Variants in ROBO1 observed in about 807,000 individuals in gnomAD.
ROBO1 encodes the protein roundabout guidance receptor 1.
In ROBO1, 149 loss-of-function variants were observed where a neutral mutation model predicts 195.9. The observed-to-expected ratio is 0.76, with a 90% CI of 0.67 to 0.87. ROBO1 has a LOEUF of 0.87. ROBO1 is among the 40% of genes least tolerant of loss of function. ROBO1 has a pLI of 0.00. For synonymous variants in ROBO1, 816 were observed against 733.2 expected (o/e 1.11, Z -1.82); for missense variants, 1,933 against 2,068.3 (o/e 0.93, Z 1.27).
At chr3:79,247,483 G>A (rs983698252) in intron 2 of ROBO1, among the ~76,000 whole-genome samples, 3 of 151,840 alleles carry the variant, frequency 2.0e-5, no homozygotes, top group Admixed American at 6.6e-5. Context: ...AAGGTATCTA[G>A]AGAGTTCATT....
intron 2 of ROBO1, among the ~76,000 whole-genome samples, chr3:79,433,179 C>A (rs112795819): frequency 2.0e-4 from 31 of 152,148 alleles, no homozygotes; most frequent in African/African-American, 7.5e-4. Context: ...CCTCTTCCCA[C>A]CCCTCACCCT....
At chr3:79,113,366 T>C (rs2079927362) in intron 3 of ROBO1, among the ~76,000 whole-genome samples, 1 of 152,066 alleles carries the variant, frequency 6.6e-6, no homozygotes, top group Non-Finnish European at 1.5e-5. Context: ...ACACATTGTC[T>C]TCCTGGCCCA....
intron 3 of ROBO1, among the ~76,000 whole-genome samples, chr3:78,994,627 C>T (rs905442786): frequency 6.6e-6 from 1 of 152,124 alleles, no homozygotes; most frequent in East Asian, 1.9e-4. Context: ...ACCTAATTTT[C>T]ACATTTTCCT....
intron 8 of ROBO1, among the ~76,000 whole-genome samples, chr3:78,707,414 C>T (rs2081578908): frequency 1.3e-5 from 2 of 152,100 alleles, no homozygotes; most frequent in Admixed American, 6.6e-5. Context: ...GGCATTAATA[C>T]TTAGGGGAAG....
intron 1 of ROBO1, among the ~76,000 whole-genome samples, chr3:79,659,372 G>A (rs1339476391): frequency 2.0e-5 from 3 of 151,890 alleles, no homozygotes; most frequent in South Asian, 4.1e-4. Context: ...GATATAAATC[G>A]ATTCTTAGGA....
At chr3:79,688,602 G>A (rs1244559536) in intron 1 of ROBO1, among the ~76,000 whole-genome samples, 3 of 151,828 alleles carry the variant, frequency 2.0e-5, no homozygotes, top group Non-Finnish European at 2.9e-5. Context: ...ATGTAATGTT[G>A]GTTGCATATT....
chr3:79,211,985 A>T (rs544244531), intron 2 of ROBO1, among the ~76,000 whole-genome samples: 1 of 152,252 alleles, frequency 6.6e-6, no homozygotes, highest in African/African-American at 2.4e-5. Flanking sequence ...AGATTAACTA[A>T]AAGTATTCCT....
chr3:79,123,512 T>TA (rs762489487), intron 3 of ROBO1, among the ~76,000 whole-genome samples: 17 of 152,032 alleles, frequency 1.1e-4, no homozygotes, highest in East Asian at 3.8e-4. Flanking sequence ...ATAATGAATA[T>TA]AAGTATGGTT....
At chr3:79,734,834 T>G (rs1703310872) in intron 1 of ROBO1, among the ~76,000 whole-genome samples, 1 of 152,002 alleles carries the variant, frequency 6.6e-6, no homozygotes, top group African/African-American at 2.4e-5. Flanking sequence ...ACCCTCTCAA[T>G]CACAATGGAA....
At chr3:79,338,647 T>C (rs2034783289) in intron 2 of ROBO1, among the ~76,000 whole-genome samples, 1 of 152,160 alleles carries the variant, frequency 6.6e-6, no homozygotes, top group Non-Finnish European at 1.5e-5. Context: ...TCAGTTTTCT[T>C]TCTACATCTC....
intron 2 of ROBO1, among the ~76,000 whole-genome samples, chr3:79,448,322 T>G (rs893141368): frequency 6.6e-6 from 1 of 152,212 alleles, no homozygotes; most frequent in Non-Finnish European, 1.5e-5. Context: ...AATATTCATT[T>G]ATAGCAAGAA....
At chr3:79,290,403 T>A (rs920258193) in intron 2 of ROBO1, among the ~76,000 whole-genome samples, 1 of 152,054 alleles carries the variant, frequency 6.6e-6, no homozygotes, top group Non-Finnish European at 1.5e-5. Flanking sequence ...ATGTTTCAAA[T>A]CTGATCCCCA....
chr3:79,462,948 T>A (rs1367395095), intron 2 of ROBO1, among the ~76,000 whole-genome samples: 2 of 152,248 alleles, frequency 1.3e-5, no homozygotes, highest in Non-Finnish European at 2.9e-5. Flanking sequence ...TCCTGATTTA[T>A]CTAACACTTT....
chr3:79,148,105 C>A (rs1464135634), intron 2 of ROBO1, among the ~76,000 whole-genome samples: 1 of 151,734 alleles, frequency 6.6e-6, no homozygotes, highest in Non-Finnish European at 1.5e-5. Context: ...TTTATGTAGG[C>A]CGCAATAATT....
At chr3:79,694,385 A>G (rs1166869430) in intron 1 of ROBO1, among the ~76,000 whole-genome samples, 1 of 151,848 alleles carries the variant, frequency 6.6e-6, no homozygotes, top group East Asian at 1.9e-4. Context: ...ATTTTTAGCT[A>G]AATTTCTACT....
intron 9 of ROBO1, among the ~76,000 whole-genome samples, chr3:78,687,827 T>C (rs1323786132): frequency 2.6e-5 from 4 of 152,072 alleles, no homozygotes; most frequent in African/African-American, 9.7e-5. Flanking sequence ...GATGAGGTCT[T>C]ACTATGTTGC....
At chr3:78,688,811 C>T (rs752802034) in intron 8 of ROBO1, 39 bp from the exon 9 acceptor site, 29 of 1,581,740 alleles carry the variant, frequency 1.8e-5, no homozygotes, top group African/African-American at 4.1e-5. Context: ...ATTAAAAGCA[C>T]GTTGTTATTG....
At chr3:79,634,282 C>T (rs1276061472) in intron 1 of ROBO1, among the ~76,000 whole-genome samples, 4 of 152,106 alleles carry the variant, frequency 2.6e-5, no homozygotes, top group African/African-American at 4.8e-5. Flanking sequence ...TGGTTGTCAA[C>T]GGTCAAAGTT....
intron 10 of ROBO1, among the ~76,000 whole-genome samples, chr3:78,673,932 T>C (rs951800962): frequency 1.3e-5 from 2 of 152,028 alleles, no homozygotes; most frequent in Non-Finnish European, 2.9e-5. Flanking sequence ...TAAATTTGGC[T>C]ATAAAATATT....
Sources: allele counts gnomAD v4.1 joint callset (sites outside exome capture counted in the v4.1 genomes callset), GRCh38; gene constraint gnomAD v4.1.1; transcripts MANE v1.5; gene names NCBI Gene and HGNC (gene_info 2026-07-23, HGNC 2026-07-21).